HTT-AS: variants seen among roughly 807,000 people sequenced by gnomAD.
HTT-AS encodes the protein HTT antisense RNA (head to head).
At chr4:3,068,560 T>C (rs1712100468) in intron 1 of HTT-AS, among the ~76,000 whole-genome samples, 1 of 151,402 alleles carries the variant, frequency 6.6e-6, no homozygotes, top group South Asian at 2.1e-4. Flanking sequence ...TGGAGAGTGA[T>C]AAAAATGGAA....
intron 2 of HTT-AS, among the ~76,000 whole-genome samples, chr4:3,058,080 A>T (rs1398808144): frequency 6.6e-6 from 1 of 151,864 alleles, no homozygotes; most frequent in Non-Finnish European, 1.5e-5. Context: ...TAATCCCAGC[A>T]CTTTGGGAGG....
At chr4:3,058,527 A>C (rs1251193539) in intron 2 of HTT-AS, among the ~76,000 whole-genome samples, 1 of 152,008 alleles carries the variant, frequency 6.6e-6, no homozygotes, top group Non-Finnish European at 1.5e-5. Context: ...CTTTACTGCA[A>C]CCTGTTTTAT....
chr4:3,056,337 T>C lies in HTT-AS; in HGVS notation n.1380+6097A>G, dbSNP rs983658460. Among the ~76,000 whole-genome samples, 16 of 152,174 alleles carry C rather than the reference T, an allele frequency of 1.1e-4. 1 individual carries two copies. The highest frequency in any genetic ancestry group is 9.8e-4 in the Admixed American group (15 of 15,272). ...AAATTTACAGACAAAAAACGGGAAGTGACGTACAGAAATTGGAGGTGAGGT... is the reference window on the plus strand; with the variant it reads ...AAATTTACAGACAAAAAACGGGAAGCGACGTACAGAAATTGGAGGTGAGGT... On this transcript the variant is annotated intron_variant and non_coding_transcript_variant, in intron 2 of 2. Coordinates refer to ENST00000664062, the Ensembl canonical transcript of HTT-AS.
At chr4:3,065,746 T>C (rs1367183753) in intron 1 of HTT-AS, among the ~76,000 whole-genome samples, 2 of 152,200 alleles carry the variant, frequency 1.3e-5, no homozygotes, top group Non-Finnish European at 2.9e-5. Flanking sequence ...GCATCTGCTG[T>C]TTGCCCTTGT....
At chr4:3,056,208 A>G (rs1711802672) in intron 2 of HTT-AS, among the ~76,000 whole-genome samples, 4 of 152,374 alleles carry the variant, frequency 2.6e-5, no homozygotes, top group South Asian at 4.1e-4. Context: ...CAGCCGAATT[A>G]AATTTAAAGG....
chr4:3,047,625 C>A (rs1488207352), downstream of HTT-AS, among the ~76,000 whole-genome samples: 7 of 152,296 alleles, frequency 4.6e-5, no homozygotes, highest in South Asian at 2.1e-4. Flanking sequence ...TGTTACTTAG[C>A]CGACCAGGGA....
chr4:3,064,101 T>G (rs1560531188), intron 1 of HTT-AS, among the ~76,000 whole-genome samples: 2 of 150,386 alleles, frequency 1.3e-5, no homozygotes, highest in East Asian at 1.9e-4. Context: ...ATAAAGTTTT[T>G]TTTTTTTTTT....
At chr4:3,068,172 G>C (rs1442541490) in intron 1 of HTT-AS, among the ~76,000 whole-genome samples, 1 of 151,866 alleles carries the variant, frequency 6.6e-6, no homozygotes, top group Non-Finnish European at 1.5e-5. Context: ...CGGGCATGGT[G>C]GTGGGTGCCT....
intron 1 of HTT-AS, among the ~76,000 whole-genome samples, chr4:3,068,442 C>T (rs77099632): frequency 0.058 from 8,838 of 151,108 alleles, 456 homozygotes; most frequent in African/African-American, 0.14. Flanking sequence ...CCTGATTGAA[C>T]TGGAAAGATT....
chr4:3,047,866 T>C (rs1189935964), downstream of HTT-AS, among the ~76,000 whole-genome samples: 1 of 152,206 alleles, frequency 6.6e-6, no homozygotes, highest in African/African-American at 2.4e-5. Flanking sequence ...TTAGTGAAAG[T>C]GCTAAAGTCT....
chr4:3,057,157 C>T (rs1238183866), intron 2 of HTT-AS, among the ~76,000 whole-genome samples: 1 of 152,112 alleles, frequency 6.6e-6, no homozygotes, highest in African/African-American at 2.4e-5. Context: ...TCTCAGCCTC[C>T]CGAGTAGCTG....
chr4:3,052,698 G>A (rs1360212405), intron 2 of HTT-AS, among the ~76,000 whole-genome samples: 1 of 152,056 alleles, frequency 6.6e-6, no homozygotes, highest in Non-Finnish European at 1.5e-5. Context: ...GTATAAAAAC[G>A]AGACCTCAGG....
At chr4:3,062,112 T>C (rs1193386900) in intron 2 of HTT-AS, among the ~76,000 whole-genome samples, 3 of 152,060 alleles carry the variant, frequency 2.0e-5, no homozygotes, top group Non-Finnish European at 4.4e-5. Context: ...CTTCAGTGAT[T>C]TGGGGGCTCA....
At chr4:3,063,707 G>C (rs1309755748) in intron 1 of HTT-AS, 1 of 152,310 alleles carries the variant, frequency 6.6e-6, no homozygotes, top group Non-Finnish European at 1.5e-5. Flanking sequence ...GCTGCTGCAA[G>C]AAAGAATTAG....
exon 3 of HTT-AS, among the ~76,000 whole-genome samples, chr4:3,049,370 G>A (rs948888186): frequency 6.6e-6 from 1 of 152,032 alleles, no homozygotes; most frequent in African/African-American, 2.4e-5. Flanking sequence ...GTTGCAGTGA[G>A]CTGAGACTGC....
chr4:3,073,775 T>C (rs1417877238), intron 1 of HTT-AS, among the ~76,000 whole-genome samples: 3 of 152,102 alleles, frequency 2.0e-5, no homozygotes, highest in Non-Finnish European at 4.4e-5. Flanking sequence ...CCACGCGCAT[T>C]CTCTGCGCTC....
chr4:3,074,583 G>A (rs1419909559), upstream of HTT-AS: 1 of 391,788 alleles, frequency 2.6e-6, no homozygotes. Flanking sequence ...GAGTCCGCAG[G>A]CTAGGGCTGT....
chr4:3,060,304 G>A (rs1015238032), intron 2 of HTT-AS, among the ~76,000 whole-genome samples: 2 of 151,978 alleles, frequency 1.3e-5, no homozygotes, highest in African/African-American at 4.8e-5. Context: ...TGAATCATGA[G>A]TCTACTACAT....
At chr4:3,056,549 G>A (rs1359602329) in intron 2 of HTT-AS, among the ~76,000 whole-genome samples, 1 of 152,146 alleles carries the variant, frequency 6.6e-6, no homozygotes, top group East Asian at 1.9e-4. Context: ...AAATACAGAA[G>A]TACAGAGTCC....
Sources: allele counts gnomAD v4.1 joint callset (sites outside exome capture counted in the v4.1 genomes callset), GRCh38; gene constraint gnomAD v4.1.1; transcripts MANE v1.5; gene names NCBI Gene and HGNC (gene_info 2026-07-23, HGNC 2026-07-21).